The following RXRG variants were observed in gnomAD, a reference collection of about 807,000 sequenced individuals.
RXRG encodes retinoic acid receptor RXR-gamma.
Under a neutral mutation model 49.2 loss-of-function variants are expected in RXRG, and 19 were observed. That is an observed-to-expected ratio of 0.39 (90% confidence interval 0.27 to 0.57). The LOEUF is 0.57. RXRG is among the 20% of genes least tolerant of loss of function. The pLI, the probability that RXRG is intolerant of heterozygous loss-of-function variation, is 0.64. For missense variants in RXRG, 452 were observed against 592.5 expected (o/e 0.76, Z 2.46); for synonymous variants, 224 against 216.6 (o/e 1.03, Z -0.30).
rs189659733 is a variant in RXRG at position 165,441,532 on chromosome 1, C to T, written c.49+3313G>A. ...CCTCTCAATTCCTCTGTTTCTTTGTCTCTAAAAGGAGTACGAGAACAATGG... is the reference window on the plus strand; with the variant it reads ...CCTCTCAATTCCTCTGTTTCTTTGTTTCTAAAAGGAGTACGAGAACAATGG... On this transcript the variant is annotated intron_variant, in intron 1 of 9. Coordinates refer to ENST00000359842, the MANE Select transcript of RXRG (RefSeq NM_006917.5). Among the ~76,000 whole-genome samples the T allele has an allele frequency of 7.9e-5, 12 of 152,332 alleles. No individual in the cohort carries two copies. In the East Asian group the frequency reaches 2.3e-3, roughly 29 times the overall value.
At chr1:165,406,767 G>A (rs751566089) in intron 9 of RXRG, 45 bp downstream of exon 9, 1 of 1,315,902 alleles carries the variant, frequency 7.6e-7, no homozygotes, top group South Asian at 1.2e-5. Context: ...ATGAAGAGTG[G>A]GAGTAGTTGC....
chr1:165,411,709 T>C (rs1657955984), intron 4 of RXRG, among the ~76,000 whole-genome samples: 1 of 152,120 alleles, frequency 6.6e-6, no homozygotes, highest in Non-Finnish European at 1.5e-5. Flanking sequence ...CAGTGGCTCA[T>C]TTTGGAGGTT....
chr1:165,403,397 A>T (rs1297441664), intron 9 of RXRG, among the ~76,000 whole-genome samples: 2 of 152,252 alleles, frequency 1.3e-5, no homozygotes, highest in African/African-American at 4.8e-5. Flanking sequence ...TTCATGAAAA[A>T]GTTACAAATT....
chr1:165,423,403 G>A, intron 2 of RXRG, among the ~76,000 whole-genome samples: 1 of 152,158 alleles, frequency 6.6e-6, no homozygotes, highest in African/African-American at 2.4e-5. Context: ...TGCAGACTCA[G>A]CCAGGGACCA....
intron 2 of RXRG, among the ~76,000 whole-genome samples, chr1:165,422,514 G>A (rs922041759): frequency 6.6e-6 from 1 of 152,232 alleles, no homozygotes; most frequent in Non-Finnish European, 1.5e-5. Context: ...TCAAAAATGT[G>A]TAGGATTTGG....
At chr1:165,430,021 G>A (rs1331684899) in intron 1 of RXRG, among the ~76,000 whole-genome samples, 1 of 152,156 alleles carries the variant, frequency 6.6e-6, no homozygotes. Context: ...CCCATCACTA[G>A]ATCCCTGTGC....
intron 1 of RXRG, among the ~76,000 whole-genome samples, chr1:165,435,143 T>G (rs941138377): frequency 6.6e-6 from 1 of 152,218 alleles, no homozygotes; most frequent in Non-Finnish European, 1.5e-5. Context: ...GGATTAGGAA[T>G]GCAAAACAAG....
At chr1:165,441,833 A>G (rs889666784) in intron 1 of RXRG, among the ~76,000 whole-genome samples, 2 of 152,192 alleles carry the variant, frequency 1.3e-5, no homozygotes, top group African/African-American at 4.8e-5. Flanking sequence ...TGGACTTGGC[A>G]GAGAAGGAGA....
chr1:165,411,181 T>C, intron 4 of RXRG, 72 bp from the exon 5 acceptor site: 1 of 1,445,842 alleles, frequency 6.9e-7, no homozygotes. Context: ...ATTACCCACA[T>C]GAGCCTCAAT....
chr1:165,435,206 T>A (rs1356952835), intron 1 of RXRG, among the ~76,000 whole-genome samples: 1 of 152,188 alleles, frequency 6.6e-6, no homozygotes, highest in Non-Finnish European at 1.5e-5. Context: ...AAATCTGAAA[T>A]ATCTTGATTC....
chr1:165,421,341 C>T (rs1187255667), intron 2 of RXRG, among the ~76,000 whole-genome samples: 1 of 152,128 alleles, frequency 6.6e-6, no homozygotes, highest in Non-Finnish European at 1.5e-5. Context: ...ATTCCCTCTT[C>T]CAGCACCACC....
At chr1:165,430,550 C>T (rs919279638) in intron 1 of RXRG, among the ~76,000 whole-genome samples, 1 of 152,234 alleles carries the variant, frequency 6.6e-6, no homozygotes, top group Admixed American at 6.5e-5. Flanking sequence ...TCCAAGGAAG[C>T]TGTGACCCTC....
intron 9 of RXRG, among the ~76,000 whole-genome samples, chr1:165,402,793 C>T (rs1220923948): frequency 6.6e-6 from 1 of 152,028 alleles, no homozygotes; most frequent in South Asian, 2.1e-4. Context: ...TTCACACATA[C>T]TTCACATGTT....
chr1:165,401,991 T>A (rs1657589632), intron 9 of RXRG, among the ~76,000 whole-genome samples: 2 of 152,194 alleles, frequency 1.3e-5, no homozygotes, highest in African/African-American at 4.8e-5. Context: ...CAAGCAATCC[T>A]CTCACCTCAG....
chr1:165,402,519 C>T (rs1657612300), intron 9 of RXRG, among the ~76,000 whole-genome samples: 1 of 151,080 alleles, frequency 6.6e-6, no homozygotes, highest in African/African-American at 2.5e-5. Context: ...CACATGCATA[C>T]ACACTGACCC....
At position 165,428,740 on chromosome 1, in the gene RXRG, C is replaced by A; in HGVS notation, c.276G>T (p.Leu92Phe). The change falls in exon 2 of 10, where the codon TTG becomes TTT. Residue 92 changes from leucine (L) to phenylalanine (F), a missense_variant. Physicochemically the swap from Leu to Phe is conservative, Grantham distance 22. Transcript: ENST00000359842. ...GALAAPPGINLVAPPSSQLNV... is the reference protein window; with the variant it reads ...GALAAPPGINFVAPPSSQLNV... ...TTACCTGAGAGCTGGGTGGGGCAAC[C>A]AAGTTGATTCCTGGAGGCGCTGCAA... 3 of 1,601,024 alleles carry A rather than the reference C, an allele frequency of 1.9e-6. No individual in the cohort carries two copies. Among genetic ancestry groups the A allele is most frequent in the Non-Finnish European group, 2.6e-6 (3 of 1,170,458 alleles).
At chr1:165,420,430 A>G (rs1183071642) in intron 2 of RXRG, among the ~76,000 whole-genome samples, 1 of 152,216 alleles carries the variant, frequency 6.6e-6, no homozygotes, top group Non-Finnish European at 1.5e-5. Flanking sequence ...CTAAAGACTT[A>G]CACTCTAAGA....
At chr1:165,439,390 C>G (rs1658913627) in intron 1 of RXRG, among the ~76,000 whole-genome samples, 1 of 152,096 alleles carries the variant, frequency 6.6e-6, no homozygotes, top group African/African-American at 2.4e-5. Context: ...AACCCCAGCT[C>G]CCACCCTGAG....
At chr1:165,433,006 T>A (rs1658716799) in intron 1 of RXRG, among the ~76,000 whole-genome samples, 1 of 152,180 alleles carries the variant, frequency 6.6e-6, no homozygotes, top group Admixed American at 6.5e-5. Context: ...GGCACCACCC[T>A]CATAAATGGG....
Sources: gnomAD v4.1 joint callset for allele counts (sites outside exome capture counted in the v4.1 genomes callset) on GRCh38, gnomAD v4.1.1 for gene constraint, MANE v1.5 for transcripts, NCBI Gene and HGNC (gene_info 2026-07-23, HGNC 2026-07-21) for gene names.